CALN1: variants seen among roughly 807,000 people sequenced by gnomAD.
CALN1 encodes calneuron 1.
Under a neutral mutation model 30.6 loss-of-function variants are expected in CALN1, and 17 were observed. The ratio of observed to expected loss-of-function variants is 0.56; its 90% CI spans 0.38 to 0.83. The LOEUF is 0.83. CALN1 is among the 40% of genes least tolerant of loss of function. The pLI is 0.00. For missense variants in CALN1, 291 were observed against 354.9 expected, an observed-to-expected ratio of 0.82 and a Z score of 1.45; for synonymous variants, 156 against 131.4, an observed-to-expected ratio of 1.19 and a Z score of -1.28.
intron 3 of CALN1, among the ~76,000 whole-genome samples, chr7:72,232,002 G>T (rs1335101236): frequency 1.3e-5 from 2 of 152,224 alleles, no homozygotes; most frequent in Non-Finnish European, 2.9e-5. Context: ...TGACAGGTGT[G>T]AAATGTGTGT....
At chr7:71,820,517 C>T (rs1013176701) in intron 5 of CALN1, among the ~76,000 whole-genome samples, 9 of 152,132 alleles carry the variant, frequency 5.9e-5, no homozygotes, top group Admixed American at 2.0e-4. Flanking sequence ...TTAGCCATTC[C>T]GTTGTATGGA....
At chr7:72,310,559 T>C (rs1799967909) in intron 2 of CALN1, among the ~76,000 whole-genome samples, 1 of 151,924 alleles carries the variant, frequency 6.6e-6, no homozygotes, top group African/African-American at 2.4e-5. Flanking sequence ...AGCCATGTGC[T>C]GGCATGGTGT....
At chr7:72,462,876 A>G in the CALN1 span, among the ~76,000 whole-genome samples, 1 of 152,322 alleles carries the variant, frequency 6.6e-6, no homozygotes, top group South Asian at 2.1e-4. Context: ...TCCACCAGAA[A>G]GTCTTCTTCC....
At chr7:72,031,783 C>CCAG (rs1037185600) in intron 4 of CALN1, among the ~76,000 whole-genome samples, 16 of 141,672 alleles carry the variant, frequency 1.1e-4, no homozygotes, top group Non-Finnish European at 2.1e-4. Flanking sequence ...GCTCTGTCAT[C>CCAG]CAGGCTGAAG....
At chr7:72,195,547 T>A (rs929557440) in intron 3 of CALN1, among the ~76,000 whole-genome samples, 11 of 152,292 alleles carry the variant, frequency 7.2e-5, no homozygotes, top group African/African-American at 2.6e-4. Context: ...GGCTAATTTT[T>A]AAAAAAATTT....
At chr7:71,796,287 T>C (rs1420328065) in intron 6 of CALN1, among the ~76,000 whole-genome samples, 1 of 152,078 alleles carries the variant, frequency 6.6e-6, no homozygotes, top group Non-Finnish European at 1.5e-5. Context: ...TGTCAATATA[T>C]GTCTTAAATT....
At chr7:72,188,838 C>T (rs900585643) in intron 3 of CALN1, among the ~76,000 whole-genome samples, 6 of 152,288 alleles carry the variant, frequency 3.9e-5, no homozygotes, top group African/African-American at 1.4e-4. Flanking sequence ...CTCCCACCTT[C>T]TCAGGAGCTG....
chr7:72,017,672 G>A (rs565981227), intron 5 of CALN1, among the ~76,000 whole-genome samples: 1 of 152,086 alleles, frequency 6.6e-6, no homozygotes, highest in African/African-American at 2.4e-5. Context: ...ATTCCAACAC[G>A]ACCAGCACCA....
intron 5 of CALN1, among the ~76,000 whole-genome samples, chr7:71,988,469 T>C (rs77920587): frequency 2.0e-5 from 3 of 152,190 alleles, no homozygotes; most frequent in Non-Finnish European, 4.4e-5. Context: ...TCATGTGGAA[T>C]AGACTCAGAG....
At chr7:72,036,828 T>G (rs1801827725) in intron 4 of CALN1, among the ~76,000 whole-genome samples, 1 of 151,748 alleles carries the variant, frequency 6.6e-6, no homozygotes, top group Non-Finnish European at 1.5e-5. Flanking sequence ...TGGGCCATTC[T>G]TTCTTGTTTC....
chr7:71,960,177 AT>A (rs1797174075), intron 5 of CALN1, among the ~76,000 whole-genome samples: 1 of 131,568 alleles, frequency 7.6e-6, no homozygotes, highest in Non-Finnish European at 1.7e-5. Flanking sequence ...AAATAAATAA[AT>A]AAATAAAATA....
At chr7:71,964,340 A>C (rs1258069556) in intron 5 of CALN1, among the ~76,000 whole-genome samples, 1 of 152,120 alleles carries the variant, frequency 6.6e-6, no homozygotes, top group Non-Finnish European at 1.5e-5. Context: ...ACAGCTCCTG[A>C]AGCCTTGGTG....
At chr7:72,392,834 T>A (rs1805664598) in intron 2 of CALN1, among the ~76,000 whole-genome samples, 1 of 105,584 alleles carries the variant, frequency 9.5e-6, no homozygotes, top group African/African-American at 4.1e-5. Flanking sequence ...CCCTGTTTCA[T>A]TAAAAAAAAA....
intron 5 of CALN1, among the ~76,000 whole-genome samples, chr7:71,901,372 T>C (rs919583273): frequency 6.7e-6 from 1 of 149,956 alleles, no homozygotes; most frequent in Non-Finnish European, 1.5e-5. Flanking sequence ...ATCAAAGTAC[T>C]AATATCATTT....
chr7:72,295,751 AG>A (rs1183481286), intron 2 of CALN1, among the ~76,000 whole-genome samples: 1 of 151,540 alleles, frequency 6.6e-6, no homozygotes, highest in Admixed American at 6.6e-5. Flanking sequence ...TATCAGCTTA[AG>A]GAGATTTTGG....
At position 72,372,011 on chromosome 7, in the gene CALN1, T is replaced by A. The variant is rs1262549419; in HGVS notation, c.119+31240A>T. Reference sequence around the variant, plus strand: ...AGTTTACCATTTCCTCCTTCTGGCATTTCTGAGATTGAATTCAATATCGCC... The same window carrying A: ...AGTTTACCATTTCCTCCTTCTGGCAATTCTGAGATTGAATTCAATATCGCC... On this transcript the variant is annotated intron_variant, in intron 2 of 6. Transcript: ENST00000395275. 2.6e-5 allele frequency among the ~76,000 whole-genome samples: 4 copies of A among 152,184 alleles called. No homozygotes were observed. In the South Asian group the frequency reaches 8.3e-4, roughly 31 times the overall value.
chr7:71,813,704 C>T (rs897778882), intron 5 of CALN1, among the ~76,000 whole-genome samples: 2 of 152,064 alleles, frequency 1.3e-5, no homozygotes, highest in African/African-American at 4.8e-5. Context: ...CCGAGGCTGG[C>T]GGATCACAAG....
intron 6 of CALN1, among the ~76,000 whole-genome samples, chr7:71,795,643 CTCT>C (rs1243809637): frequency 6.6e-6 from 1 of 152,086 alleles, no homozygotes; most frequent in Non-Finnish European, 1.5e-5. Flanking sequence ...ATTCCGCTCG[CTCT>C]GCAGCCCCAG....
rs537497455 is a variant in CALN1 at position 72,308,369 on chromosome 7, G to T, written c.120-29559C>A. On this transcript the variant is annotated intron_variant, in intron 2 of 6. Transcript: ENST00000395275. Reference sequence around the variant, plus strand: ...ACAGAGTGAGATGCTGTCTGTGGGGGGGGGAGAGAGAGAGAGAGAGAGAGA... The same window carrying T: ...ACAGAGTGAGATGCTGTCTGTGGGGTGGGGAGAGAGAGAGAGAGAGAGAGA... Among the ~76,000 whole-genome samples, 4 of 103,890 alleles carry T rather than the reference G, an allele frequency of 3.9e-5. No homozygotes were observed. The South Asian group carries it at 1.2e-3, about 31-fold the overall frequency. 68.2% of individuals were successfully genotyped at this position (103,890 alleles called of 152,430 possible). A position where few individuals can be genotyped will look rare whatever the true frequency, so the allele number is the denominator to read the frequency against.
Sources: gnomAD v4.1 joint callset for allele counts (sites outside exome capture counted in the v4.1 genomes callset) on GRCh38, gnomAD v4.1.1 for gene constraint, MANE v1.5 for transcripts, NCBI Gene and HGNC (gene_info 2026-07-23, HGNC 2026-07-21) for gene names.